Variants in KCNQ1 observed in about 807,000 individuals in gnomAD.
KCNQ1 encodes the protein potassium voltage-gated channel subfamily KQT member 1.
Under a neutral mutation model 72.4 loss-of-function variants are expected in KCNQ1, and 49 were observed. The observed-to-expected ratio is 0.68, with a 90% CI of 0.54 to 0.86. KCNQ1 has a LOEUF of 0.86. KCNQ1 is among the 40% of genes least tolerant of loss of function. KCNQ1 has a pLI of 0.00. For synonymous variants in KCNQ1, 450 were observed against 412.6 expected (o/e 1.09, Z -1.10); for missense variants, 790 against 945.1 (o/e 0.84, Z 2.15).
At chr11:2,786,949 G>GTTTTTTTTTTT (rs5789272) in intron 15 of KCNQ1, among the ~76,000 whole-genome samples, 2 of 120,332 alleles carry the variant, frequency 1.7e-5, no homozygotes, top group Non-Finnish European at 3.4e-5. Flanking sequence ...TTTCGTTTCT[G>GTTTTTTTTTTT]TTTTTTTTTT....
intron 15 of KCNQ1, among the ~76,000 whole-genome samples, chr11:2,840,824 C>T (rs919156287): frequency 4.6e-5 from 7 of 152,352 alleles, no homozygotes; most frequent in Middle Eastern, 6.8e-3. Context: ...TCAGCACCCA[C>T]CCTGGGAGGG....
chr11:2,625,858 C>T (rs1167552191), intron 10 of KCNQ1: 4 of 398,462 alleles, frequency 1.0e-5, no homozygotes, highest in Admixed American at 8.8e-5. Context: ...CGTGAGCCAC[C>T]GTGCCTGGCC....
At chr11:2,502,191 G>C (rs769664673) in intron 1 of KCNQ1, among the ~76,000 whole-genome samples, 1 of 152,178 alleles carries the variant, frequency 6.6e-6, no homozygotes, top group Non-Finnish European at 1.5e-5. Flanking sequence ...GGAAATCCTA[G>C]CTAGAGCAAT....
At chr11:2,551,406 G>A (rs1015804481) in intron 2 of KCNQ1, among the ~76,000 whole-genome samples, 1 of 152,152 alleles carries the variant, frequency 6.6e-6, no homozygotes, top group African/African-American at 2.4e-5. Flanking sequence ...TAATTCATTT[G>A]AGGCCCATCC....
At chr11:2,632,252 T>G in intron 10 of KCNQ1, 1 of 398,432 alleles carries the variant, frequency 2.5e-6, no homozygotes, top group Non-Finnish European at 4.4e-6. Flanking sequence ...GCTACTTTGC[T>G]GAATTAATTT....
Position 2,671,530 on chromosome 11 carries a change from A to C in KCNQ1, c.1514+9449A>C. On this transcript the variant is annotated intron_variant, in intron 11 of 15. Transcript: ENST00000155840. The surrounding 1 kb of genome is among the most constrained non-coding windows in gnomAD (Gnocchi z 4.7). ...CAATTCAAGGGATTTTTCAAAGGTT[A>C]ATTTTGACTCTGCCTGACTTATCTC... 1 of 398,558 alleles carries C rather than the reference A, an allele frequency of 2.5e-6. No individual in the cohort carries two copies. Among genetic ancestry groups the C allele is most frequent in the East Asian group, 3.6e-5 (1 of 28,070 alleles). 24.7% of individuals were successfully genotyped at this position (398,558 alleles called of 1,614,324 possible).
chr11:2,568,832 C>A (rs1027737682), intron 2 of KCNQ1, among the ~76,000 whole-genome samples: 1 of 152,140 alleles, frequency 6.6e-6, no homozygotes, highest in Admixed American at 6.5e-5. Flanking sequence ...CCCCATGAGG[C>A]CACAGAGCCT....
rs1439983858 is a variant in KCNQ1, at chr11:2,538,560, C to T, written c.477+10542C>T. Among the ~76,000 whole-genome samples, 9 of 152,222 alleles carry T rather than the reference C, an allele frequency of 5.9e-5. No homozygotes were observed. Among genetic ancestry groups the T allele is most frequent in the South Asian group, 2.1e-4 (1 of 4,828 alleles). ...GGAGGACAGCTGACATTCTTTCATGCGAAATCTGCTTGCGGGAGAGTCGTG... is the reference window on the plus strand; with the variant it reads ...GGAGGACAGCTGACATTCTTTCATGTGAAATCTGCTTGCGGGAGAGTCGTG... On this transcript the variant is annotated intron_variant, in intron 2 of 15. Transcript: ENST00000155840. This position sits in a 1 kb window ranked among gnomAD's most constrained non-coding sequence, Gnocchi z 6.7.
At chr11:2,618,481 C>T (rs765461913) in intron 10 of KCNQ1, 4 of 398,538 alleles carry the variant, frequency 1.0e-5, no homozygotes, top group East Asian at 3.6e-5. Context: ...TTGTTTTCTT[C>T]GTGTTCTTGT....
rs1848339935 is a variant in KCNQ1 at position 2,571,882 on chromosome 11, G to T, written c.684-131G>T. On this transcript the variant is annotated intron_variant, in intron 4 of 15. Transcript: ENST00000155840. Reference sequence around the variant, plus strand: ...CCCTGTCGGGATGGACATATACCCAGCCTCCCCACCCAGAGTGGACGCCTG... The same window carrying T: ...CCCTGTCGGGATGGACATATACCCATCCTCCCCACCCAGAGTGGACGCCTG... 3 of 737,406 alleles carry T rather than the reference G, an allele frequency of 4.1e-6. No individual in the cohort carries two copies. The South Asian group carries it at 4.5e-5, about 11-fold the overall frequency. 45.7% of individuals were successfully genotyped at this position (737,406 alleles called of 1,614,324 possible).
At chr11:2,804,120 C>T (rs753633828) in intron 15 of KCNQ1, among the ~76,000 whole-genome samples, 8 of 152,258 alleles carry the variant, frequency 5.3e-5, no homozygotes, top group South Asian at 2.1e-4. Flanking sequence ...TTCTCTACAG[C>T]GCCCAGTAGC....
chr11:2,798,660 G>T (rs978785616), intron 15 of KCNQ1, among the ~76,000 whole-genome samples: 1 of 152,002 alleles, frequency 6.6e-6, no homozygotes, highest in African/African-American at 2.4e-5. Context: ...ATCCTTGCAG[G>T]TATCAAATTA....
chr11:2,530,305 G>C (rs901349655), intron 2 of KCNQ1, among the ~76,000 whole-genome samples: 2 of 152,240 alleles, frequency 1.3e-5, no homozygotes, highest in Non-Finnish European at 2.9e-5. Flanking sequence ...AGGATGTTCT[G>C]CCCCGGCCAA....
At position 2,538,958 on chromosome 11, in the gene KCNQ1, C is replaced by G. The variant is rs1847779475; in HGVS notation, c.477+10940C>G. Among the ~76,000 whole-genome samples the G allele has an allele frequency of 1.3e-5, 2 of 152,190 alleles. No homozygotes were observed. The highest frequency in any genetic ancestry group is 2.4e-5 in the African/African-American group (1 of 41,442). On this transcript the variant is annotated intron_variant, in intron 2 of 15. Transcript: ENST00000155840. This position sits in a 1 kb window ranked among gnomAD's most constrained non-coding sequence, Gnocchi z 6.7. ...ACACCCCTGGGCTGGAACCTGGGAA[C>G]CACCAGTCAGCGTCTTTCCTCCAGG...
At position 2,559,708 on chromosome 11, in the gene KCNQ1, C is replaced by T. The variant is rs371106226; in HGVS notation, c.478-10920C>T. Among the ~76,000 whole-genome samples, 25 of 152,202 alleles carry T rather than the reference C, an allele frequency of 1.6e-4. No individual in the cohort carries two copies. Among genetic ancestry groups the T allele is most frequent in the Non-Finnish European group, 3.2e-4 (22 of 68,046 alleles). ...AAAGCGGCCTCGTGCCTCCCAGAGT[C>T]ACCCCGAAATCATTAACGGGGAGAC... On this transcript the variant is annotated intron_variant, in intron 2 of 15. Transcript: ENST00000155840. This position sits in a 1 kb window ranked among gnomAD's most constrained non-coding sequence, Gnocchi z 4.9.
In KCNQ1 at chr11:2,766,431, C is replaced by A. The variant is rs1846498909; in HGVS notation, c.1515-2413C>A. Among the ~76,000 whole-genome samples, 1 of 152,276 alleles carries A rather than the reference C, an allele frequency of 6.6e-6. No homozygotes were observed. The highest frequency in any genetic ancestry group is 6.5e-5 in the Admixed American group (1 of 15,300). On this transcript the variant is annotated intron_variant, in intron 11 of 15. Transcript: ENST00000155840. The surrounding 1 kb of genome is among the most constrained non-coding windows in gnomAD (Gnocchi z 4.4). ...TCCTTCACGCGGCTGTTCCAGCAGG[C>A]TAGCTCAGACTTGTCCATGAGCCAA... is the stretch of plus-strand genomic sequence containing the variant.
chr11:2,535,195 C>T (rs182515994), intron 2 of KCNQ1, among the ~76,000 whole-genome samples: 9 of 152,292 alleles, frequency 5.9e-5, no homozygotes, highest in African/African-American at 9.6e-5. Flanking sequence ...GGTGAAAGGA[C>T]GCTAGACACT....
rs1848824163 is a variant in KCNQ1, at chr11:2,602,683, GA to G, written c.1393+13831del. On this transcript the variant is annotated intron_variant, in intron 10 of 15. Coordinates refer to ENST00000155840, the MANE Select transcript of KCNQ1 (RefSeq NM_000218.3). The surrounding 1 kb of genome is among the most constrained non-coding windows in gnomAD (Gnocchi z 4.8). ...TACATTTCCTCATTAGGATGATACT[GA>G]ACATCTTTTCATGTGCCTGTTTGCC... Among the ~76,000 whole-genome samples, 1 of 152,182 alleles carries G rather than the reference GA, an allele frequency of 6.6e-6. No individual in the cohort carries two copies. Among genetic ancestry groups the G allele is most frequent in the Non-Finnish European group, 1.5e-5 (1 of 68,032 alleles).
chr11:2,847,093 A>C (rs1197882299), intron 15 of KCNQ1, among the ~76,000 whole-genome samples: 1 of 151,972 alleles, frequency 6.6e-6, no homozygotes, highest in Non-Finnish European at 1.5e-5. Context: ...GGGGGATGAC[A>C]AAAAAACCCA....
Sources: allele counts gnomAD v4.1 joint callset (sites outside exome capture counted in the v4.1 genomes callset), GRCh38; gene constraint gnomAD v4.1.1; non-coding constraint Gnocchi (gnomAD v3.1); transcripts MANE v1.5; gene names NCBI Gene and HGNC (gene_info 2026-07-23, HGNC 2026-07-21).